GPATCH2L: variants seen among roughly 807,000 people sequenced by gnomAD.
The protein encoded by GPATCH2L is G patch domain-containing protein 2-like.
In GPATCH2L, 31 loss-of-function variants were observed where a neutral mutation model predicts 57.4. The ratio of observed to expected loss-of-function variants is 0.54; its 90% CI spans 0.41 to 0.73. The LOEUF (loss-of-function observed/expected upper bound fraction) is 0.73. GPATCH2L is among the 30% of genes least tolerant of loss of function. GPATCH2L has a pLI of 0.00. For synonymous variants in GPATCH2L, 199 were observed against 210.7 expected (o/e 0.94, Z 0.48); for missense variants, 481 against 599.9 (o/e 0.80, Z 2.07).
chr14:76,217,816 T>C (rs1012846950), downstream of GPATCH2L, among the ~76,000 whole-genome samples: 1 of 152,166 alleles, frequency 6.6e-6, no homozygotes, highest in Admixed American at 6.5e-5. Flanking sequence ...TGCTCAACTT[T>C]CCATATAGTC....
chr14:76,178,296 T>G lies in GPATCH2L; in HGVS notation c.1107+254T>G. ...GAATCCTGCGTTGAGAAGTACTATG[T>G]TGAAGCCTAAACGTATGGAGCAGAA... is the stretch of plus-strand genomic sequence containing the variant. On this transcript the variant is annotated intron_variant, in intron 7 of 9. Transcript: ENST00000261530. 3.6e-6 allele frequency: 5 copies of G among 1,403,138 alleles called. No homozygotes were observed. In the South Asian group the frequency reaches 6.1e-5, roughly 17 times the overall value. The allele number at this position is 1,403,138 out of a possible 1,614,324, so 86.9% of individuals were successfully genotyped here.
chr14:76,216,089 A>G (rs973427938), downstream of GPATCH2L, among the ~76,000 whole-genome samples: 1 of 152,034 alleles, frequency 6.6e-6, no homozygotes, highest in African/African-American at 2.4e-5. Context: ...CAAGGCAGGA[A>G]GTTTAATCTG....
chr14:76,164,992 C>T (rs1475152148), intron 2 of GPATCH2L, among the ~76,000 whole-genome samples: 1 of 152,164 alleles, frequency 6.6e-6, no homozygotes, highest in African/African-American at 2.4e-5. Context: ...CTTGCAGAAT[C>T]TAAGTGATGA....
At chr14:76,155,408 C>T (rs1566766640) in intron 2 of GPATCH2L, among the ~76,000 whole-genome samples, 2 of 152,286 alleles carry the variant, frequency 1.3e-5, no homozygotes, top group East Asian at 1.9e-4. Flanking sequence ...AATATGCTAG[C>T]GCCAGGTATA....
intron 9 of GPATCH2L, among the ~76,000 whole-genome samples, chr14:76,200,406 A>G (rs1188493744): frequency 2.0e-5 from 3 of 152,198 alleles, no homozygotes; most frequent in Non-Finnish European, 2.9e-5. Context: ...TTTGGTGACC[A>G]TGTAGGTACA....
chr14:76,198,276 G>A lies in GPATCH2L; in HGVS notation c.1288+2304G>A, dbSNP rs1397173551. On this transcript the variant is annotated intron_variant, in intron 9 of 9. Coordinates refer to ENST00000261530, the MANE Select transcript of GPATCH2L (RefSeq NM_017926.4). ...TTCTCAGACTTGATACACCAGAACA[G>A]GGATTTCCCTGCAAGTGTCTCCCTC... 2.6e-5 allele frequency among the ~76,000 whole-genome samples: 4 copies of A among 152,268 alleles called. No individual in the cohort carries two copies. The East Asian group carries it at 7.7e-4, about 29-fold the overall frequency.
At chr14:76,161,854 G>A (rs868002105) in intron 2 of GPATCH2L, among the ~76,000 whole-genome samples, 13 of 152,196 alleles carry the variant, frequency 8.5e-5, no homozygotes, top group Middle Eastern at 3.4e-3. Flanking sequence ...TGACCAATGT[G>A]GTGAAACCTT....
downstream of GPATCH2L, among the ~76,000 whole-genome samples, chr14:76,217,616 A>C (rs2040495655): frequency 6.6e-6 from 1 of 152,102 alleles, no homozygotes; most frequent in African/African-American, 2.4e-5. Flanking sequence ...CCTTGCATGC[A>C]TATACACAGT....
downstream of GPATCH2L, among the ~76,000 whole-genome samples, chr14:76,214,730 T>A (rs1456821077): frequency 1.3e-5 from 2 of 152,224 alleles, no homozygotes; most frequent in Non-Finnish European, 2.9e-5. Flanking sequence ...GATTTCCACC[T>A]GTTTTCGGGG....
chr14:76,216,744 G>A (rs529113840), downstream of GPATCH2L, among the ~76,000 whole-genome samples: 199 of 152,226 alleles, frequency 1.3e-3, no homozygotes, highest in African/African-American at 4.6e-3. Context: ...AACCTTTTAA[G>A]AGAGCACTTG....
chr14:76,201,377 T>C (rs1228540262), intron 9 of GPATCH2L, among the ~76,000 whole-genome samples: 1 of 152,226 alleles, frequency 6.6e-6, no homozygotes, highest in Admixed American at 6.5e-5. Context: ...AACAAGATCA[T>C]GAGTATTCAT....
chr14:76,174,626 C>CAA (rs1257201876), intron 5 of GPATCH2L: 1 of 151,660 alleles, frequency 6.6e-6, no homozygotes, highest in Non-Finnish European at 1.5e-5. Flanking sequence ...TCTTTAAATT[C>CAA]AAGTTCAAAT....
chr14:76,196,231 T>G, intron 9 of GPATCH2L: 1 of 618,356 alleles, frequency 1.6e-6, no homozygotes, highest in Non-Finnish European at 2.9e-6. Flanking sequence ...CATCTGAGCT[T>G]TTGTTTTAGC....
At chr14:76,199,260 GT>G (rs996686696) in intron 9 of GPATCH2L, among the ~76,000 whole-genome samples, 1 of 151,730 alleles carries the variant, frequency 6.6e-6, no homozygotes, top group African/African-American at 2.4e-5. Context: ...TATTCTGATT[GT>G]TTTTTATCGT....
intron 2 of GPATCH2L, among the ~76,000 whole-genome samples, chr14:76,231,978 A>ACTGCAGCCTCACTGCAGCCTCT: frequency 6.6e-6 from 1 of 152,052 alleles, no homozygotes; most frequent in East Asian, 1.9e-4. Context: ...CTGCAGCCTC[A>ACTGCAGCCTCACTGCAGCCTCT]CTGCAGCCTC....
chr14:76,234,115 A>C (rs1314559971), intron 2 of GPATCH2L, among the ~76,000 whole-genome samples: 2 of 152,212 alleles, frequency 1.3e-5, no homozygotes, highest in Non-Finnish European at 2.9e-5. Context: ...GTCTCTAAAA[A>C]ATAAAAAATA....
chr14:76,226,246 T>C (rs2040535837), intron 1 of GPATCH2L, among the ~76,000 whole-genome samples: 1 of 152,266 alleles, frequency 6.6e-6, no homozygotes, highest in South Asian at 2.1e-4. Flanking sequence ...AGTTGTGTTA[T>C]ATTCATAGAA....
chr14:76,187,668 C>G (rs2039819764), intron 8 of GPATCH2L, among the ~76,000 whole-genome samples: 2 of 151,992 alleles, frequency 1.3e-5, no homozygotes, highest in Non-Finnish European at 1.5e-5. Context: ...GCGTAATAAT[C>G]ACATCATGGA....
chr14:76,176,836 AC>A, intron 6 of GPATCH2L, 146 bp downstream of exon 6: 1 of 612,712 alleles, frequency 1.6e-6, no homozygotes, highest in South Asian at 2.1e-5. Context: ...AAATATGGCA[AC>A]ATCCTAAACC....
Sources: allele counts gnomAD v4.1 joint callset (sites outside exome capture counted in the v4.1 genomes callset), GRCh38; gene constraint gnomAD v4.1.1; transcripts MANE v1.5; gene names NCBI Gene and HGNC (gene_info 2026-07-23, HGNC 2026-07-21).